The following MMP26 variants were observed in gnomAD, a reference collection of about 807,000 sequenced individuals.
MMP26 encodes the protein matrix metallopeptidase 26, also known as matrix metalloproteinase-26.
Under a neutral mutation model 31.0 loss-of-function variants are expected in MMP26, and 33 were observed. That is an observed-to-expected ratio of 1.06 (90% CI 0.81 to 1.42). The LOEUF is 1.42. MMP26 is among the 40% of genes most tolerant of loss of function. The pLI is 0.00. For missense variants in MMP26, 347 were observed against 316.1 expected (o/e 1.10, Z -0.74); for synonymous variants, 122 against 114.9 (o/e 1.06, Z -0.40).
rs1370106716 is a variant in MMP26, at chr11:4,869,221, T to G, written c.-145+101880T>G. 9.2e-5 allele frequency among the ~76,000 whole-genome samples: 14 copies of G among 152,012 alleles called. 1 individual carries two copies. Among genetic ancestry groups the G allele is most frequent in the African/African-American group, 3.4e-4 (14 of 41,446 alleles). On this transcript the variant is annotated intron_variant, in intron 2 of 7. Transcript: ENST00000380390. Reference sequence around the variant, plus strand: ...CAAAAGCCAAAATGGACAAATGGGATCTAATTAAACTAAAGAGCTTCTGCA... The same window carrying G: ...CAAAAGCCAAAATGGACAAATGGGAGCTAATTAAACTAAAGAGCTTCTGCA...
intron 2 of MMP26, among the ~76,000 whole-genome samples, chr11:4,805,742 T>G (rs1193190647): frequency 6.6e-6 from 1 of 152,230 alleles, no homozygotes; most frequent in Non-Finnish European, 1.5e-5. Flanking sequence ...ATTGACTACC[T>G]TGAGGCCATA....
chr11:4,941,069 A>G (rs113906406), intron 2 of MMP26, among the ~76,000 whole-genome samples: 4 of 4,568 alleles, frequency 8.8e-4, no homozygotes, highest in African/African-American at 1.5e-3. Flanking sequence ...ATGATTTTTT[A>G]ATATACATAG....
At chr11:4,966,330 G>A (rs1425573992) in intron 2 of MMP26, among the ~76,000 whole-genome samples, 1 of 152,132 alleles carries the variant, frequency 6.6e-6, no homozygotes, top group Non-Finnish European at 1.5e-5. Context: ...GGGTGCAGGT[G>A]TACTCTGGCC....
intron 2 of MMP26, chr11:4,793,791 C>A (rs941126662): frequency 1.1e-4 from 16 of 152,156 alleles, no homozygotes; most frequent in Non-Finnish European, 1.6e-4. Context: ...CCCACAAAAT[C>A]TCTGTACCAT....
chr11:4,801,138 C>T (rs1849175314), intron 2 of MMP26, among the ~76,000 whole-genome samples: 1 of 152,180 alleles, frequency 6.6e-6, no homozygotes, highest in African/African-American at 2.4e-5. Context: ...CTAAGAAGTT[C>T]CAAACTTTCC....
At position 4,924,028 on chromosome 11, in the gene MMP26, G is replaced by A. The variant is rs575908134; in HGVS notation, c.-144-64040G>A. 1.9e-6 allele frequency: 3 copies of A among 1,614,174 alleles called. No individual in the cohort carries two copies. In the African/African-American group the frequency reaches 4.0e-5, roughly 22 times the overall value. On this transcript the variant is annotated intron_variant, in intron 2 of 7. Coordinates refer to ENST00000380390, the MANE Select transcript of MMP26 (RefSeq NM_021801.5). ...CCATTGAAGACAAGGTGTGGATGAA[G>A]AAGAGCTGAGTGAAACAGGCAGGGA...
intron 2 of MMP26, chr11:4,915,474 T>A: frequency 6.2e-7 from 1 of 1,613,984 alleles, no homozygotes; most frequent in East Asian, 2.2e-5. Flanking sequence ...AAGAGATACA[T>A]AGGTTCATGA....
intron 1 of MMP26, among the ~76,000 whole-genome samples, chr11:4,748,728 T>C (rs1272955939): frequency 6.6e-6 from 1 of 151,678 alleles, no homozygotes; most frequent in Non-Finnish European, 1.5e-5. Context: ...AATAAGCAAT[T>C]GATAAAATTC....
intron 2 of MMP26, among the ~76,000 whole-genome samples, chr11:4,902,564 A>G (rs964633491): frequency 4.6e-5 from 7 of 152,040 alleles, no homozygotes; most frequent in South Asian, 2.1e-4. Context: ...TGTTTGACAC[A>G]CTTTTTAGTT....
At chr11:4,966,820 C>A (rs910023146) in intron 2 of MMP26, among the ~76,000 whole-genome samples, 5 of 152,168 alleles carry the variant, frequency 3.3e-5, no homozygotes, top group Middle Eastern at 6.8e-3. Flanking sequence ...AGCTGTCAGG[C>A]CTTTAATGAA....
chr11:4,855,857 C>T (rs1051536495), intron 2 of MMP26, among the ~76,000 whole-genome samples: 2 of 152,314 alleles, frequency 1.3e-5, no homozygotes, highest in Middle Eastern at 6.8e-3. Flanking sequence ...AAGCCCACCA[C>T]ATTAACAGTG....
chr11:4,786,307 A>G (rs916057254), intron 2 of MMP26, among the ~76,000 whole-genome samples: 14 of 152,094 alleles, frequency 9.2e-5, no homozygotes, highest in African/African-American at 3.4e-4. Flanking sequence ...GCAACTCAGA[A>G]TTTAATGCCA....
rs148591000 is a variant in MMP26 at position 4,990,709 on chromosome 11, T to C, written c.432T>C (p.Asn144=). The change falls in exon 5 of 8, where the codon AAT becomes AAC. Residue 144 remains asparagine, a synonymous_variant. Transcript: ENST00000380390. ...CTTTGATATTCCAGCAAGTGCAGAA[T>C]GGAGATGCAGACATCAAGGTTTCTT... ...VTPLIFQQVQ[N]GDADIKVSFW... The C allele has an allele frequency of 1.9e-3, 3,144 of 1,614,132 alleles. 7 individuals are homozygous for C. Among genetic ancestry groups the C allele is most frequent in the Non-Finnish European group, 2.4e-3 (2,830 of 1,179,990 alleles).
chr11:4,959,193 T>A (rs2595983), intron 2 of MMP26, among the ~76,000 whole-genome samples: 11 of 148,016 alleles, frequency 7.4e-5, no homozygotes, highest in Non-Finnish European at 1.0e-4. Flanking sequence ...AGCTGAGATC[T>A]CGCCACCGCA....
At chr11:4,965,913 A>T (rs1475004946) in intron 2 of MMP26, among the ~76,000 whole-genome samples, 3 of 152,206 alleles carry the variant, frequency 2.0e-5, no homozygotes, top group Non-Finnish European at 2.9e-5. Flanking sequence ...CCTTCTAAGT[A>T]GTTGTAGCAT....
At chr11:4,896,810 C>G (rs1371836087) in intron 2 of MMP26, among the ~76,000 whole-genome samples, 2 of 152,102 alleles carry the variant, frequency 1.3e-5, no homozygotes, top group Admixed American at 1.3e-4. Flanking sequence ...GCTAAAAACT[C>G]AAAATCTGAA....
intron 2 of MMP26, among the ~76,000 whole-genome samples, chr11:4,969,745 A>G (rs1243567692): frequency 6.6e-6 from 1 of 152,106 alleles, no homozygotes; most frequent in African/African-American, 2.4e-5. Context: ...ACCTTACTCA[A>G]CTTTTAAACC....
At chr11:4,960,485 A>T (rs1589951434) in intron 2 of MMP26, among the ~76,000 whole-genome samples, 1 of 91,814 alleles carries the variant, frequency 1.1e-5, no homozygotes, top group Non-Finnish European at 2.1e-5. Context: ...CATCATTCCC[A>T]CCCCCCACCC....
Position 4,988,136 on chromosome 11 carries a change from G to T in MMP26, c.-76G>T. The T allele has an allele frequency of 3.9e-6, 5 of 1,293,064 alleles. No individual in the cohort carries two copies. The highest frequency in any genetic ancestry group is 1.1e-6 in the Non-Finnish European group (1 of 887,712). The allele number at this position is 1,293,064 out of a possible 1,614,324, so 80.1% of individuals were successfully genotyped here. On this transcript the variant is annotated 5_prime_UTR_variant, in exon 3 of 8. Transcript: ENST00000380390. ...CTGGCAGAGTGAGTCATTGGATGTTGCTGGCACAGCTATAAAGATCCAGTG... is the reference window on the plus strand; with the variant it reads ...CTGGCAGAGTGAGTCATTGGATGTTTCTGGCACAGCTATAAAGATCCAGTG...
Sources: gnomAD v4.1 joint callset for allele counts (sites outside exome capture counted in the v4.1 genomes callset) on GRCh38, gnomAD v4.1.1 for gene constraint, MANE v1.5 for transcripts, NCBI Gene and HGNC (gene_info 2026-07-23, HGNC 2026-07-21) for gene names.